The following NCSTN variants were observed in gnomAD, a reference collection of about 807,000 sequenced individuals.
NCSTN encodes the protein nicastrin.
Under a neutral mutation model 87.0 loss-of-function variants are expected in NCSTN, and 22 were observed. That is an observed-to-expected ratio of 0.25 (90% CI 0.18 to 0.36). The LOEUF (loss-of-function observed/expected upper bound fraction) is 0.36, where lower values mean the gene tolerates loss of function less well. Ranked by LOEUF, NCSTN falls within the 10% of genes least tolerant of loss-of-function variation. NCSTN has a pLI of 1.00. For missense variants in NCSTN, 693 were observed against 883.3 expected (o/e 0.78, Z 2.73); for synonymous variants, 306 against 327.1 (o/e 0.94, Z 0.69).
chr1:160,349,248 G>C, intron 3 of NCSTN, 126 bp downstream of exon 3: 4 of 1,316,268 alleles, frequency 3.0e-6, no homozygotes, highest in Non-Finnish European at 3.2e-6. Flanking sequence ...GGGCAGGGTG[G>C]TCCTCAGAAG....
intron 1 of NCSTN, chr1:160,343,791 C>T (rs1296508419): frequency 4.8e-6 from 3 of 624,008 alleles, no homozygotes; most frequent in East Asian, 7.1e-5. Flanking sequence ...ACCCCACAGT[C>T]GAAAGGAACA....
At chr1:160,349,784 A>G in intron 4 of NCSTN, 114 bp downstream of exon 4, 1 of 1,424,304 alleles carries the variant, frequency 7.0e-7, no homozygotes, top group Non-Finnish European at 9.8e-7. Context: ...TAGTGTCAGT[A>G]ACTGACTCCC....
Position 160,358,242 on chromosome 1 carries a change from C to G in NCSTN, c.2101C>G (p.Pro701Ala), listed in dbSNP as rs756588000. The change falls in exon 17 of 17, where the codon CCC becomes GCC. Residue 701 changes from proline (P) to alanine (A), a missense_variant. By Grantham distance (27) the Pro-to-Ala change is conservative (BLOSUM62 -1). This residue lies in a region of NCSTN where 216 missense variants were observed against 311.7 expected (regional missense o/e 0.69). Transcript: ENST00000294785. The part of the protein sequence containing the change: ...NAKADVLFIA[P>A]REPGAVSY ...CAAAGCTGATGTCCTTTTCATTGCT[C>G]CCCGGGAGCCAGGAGCTGTGTCATA... is the stretch of plus-strand genomic sequence containing the variant. 1.2e-5 allele frequency: 20 copies of G among 1,614,002 alleles called. No homozygotes were observed. The highest frequency in any genetic ancestry group is 1.5e-5 in the Non-Finnish European group (18 of 1,180,042).
Position 160,351,691 on chromosome 1 carries a change from C to T in NCSTN, c.734-5C>T, listed in dbSNP as rs150605943. The stretch of plus-strand genomic sequence containing the variant: ...TTGATCTCTCATTGTTTGTGTCCTG[C>T]TTAGAAATCGTCTGTGACCCCCTGT... On this transcript the variant is annotated splice_polypyrimidine_tract_variant and splice_region_variant and intron_variant, in intron 6 of 16. Coordinates refer to ENST00000294785, the MANE Select transcript of NCSTN (RefSeq NM_015331.3). 180 of 1,584,482 alleles carry T rather than the reference C, an allele frequency of 1.1e-4. No homozygotes were observed. In the African/African-American group the frequency reaches 2.1e-3, roughly 18 times the overall value.
chr1:160,354,861 T>C (rs1335622497), intron 11 of NCSTN, among the ~76,000 whole-genome samples: 1 of 152,144 alleles, frequency 6.6e-6, no homozygotes, highest in African/African-American at 2.4e-5. Context: ...ACAGGGGACT[T>C]CTTACTCAGG....
intron 14 of NCSTN, 116 bp downstream of exon 14, chr1:160,356,463 G>GA (rs954416085): frequency 2.1e-6 from 3 of 1,436,120 alleles, no homozygotes; most frequent in Non-Finnish European, 2.9e-6. Flanking sequence ...CTTACCCCCT[G>GA]TTTTCCTTTC....
rs760907346 is a variant in NCSTN at position 160,344,713 on chromosome 1, T to A, written c.86-9T>A. The A allele has an allele frequency of 1.9e-6, 3 of 1,613,148 alleles. No individual in the cohort carries two copies. In the South Asian group the frequency reaches 3.3e-5, roughly 18 times the overall value. On this transcript the variant is annotated splice_polypyrimidine_tract_variant and intron_variant, in intron 1 of 16. Coordinates refer to ENST00000294785, the MANE Select transcript of NCSTN (RefSeq NM_015331.3). ...CAAATTTTTCTAACACTTTTTATCTTCCGATCAGGTTTGTGCAGGGGAAAC... is the reference window on the plus strand; with the variant it reads ...CAAATTTTTCTAACACTTTTTATCTACCGATCAGGTTTGTGCAGGGGAAAC...
chr1:160,347,540 G>A (rs1648566270), intron 2 of NCSTN, among the ~76,000 whole-genome samples: 1 of 152,152 alleles, frequency 6.6e-6, no homozygotes, highest in Non-Finnish European at 1.5e-5. Context: ...TTGGAACCCA[G>A]ATTAGAATCC....
intron 5 of NCSTN, among the ~76,000 whole-genome samples, chr1:160,350,894 T>C (rs1279554294): frequency 6.6e-6 from 1 of 152,220 alleles, no homozygotes; most frequent in Non-Finnish European, 1.5e-5. Flanking sequence ...TCTGATTTCC[T>C]ATCTCTAGTT....
chr1:160,344,895 C>T, intron 2 of NCSTN, 69 bp downstream of exon 2: 4 of 1,306,496 alleles, frequency 3.1e-6, no homozygotes, highest in Non-Finnish European at 4.4e-6. Flanking sequence ...AAGTAACATC[C>T]ATGTCCTGCT....
chr1:160,349,286 C>G (rs993323668), intron 3 of NCSTN, among the ~76,000 whole-genome samples, 164 bp downstream of exon 3: 1 of 152,128 alleles, frequency 6.6e-6, no homozygotes, highest in Non-Finnish European at 1.5e-5. Context: ...AAGAAATGAT[C>G]TTGAGCTTAG....
chr1:160,356,011 T>C, intron 13 of NCSTN, 53 bp downstream of exon 13: 2 of 1,491,824 alleles, frequency 1.3e-6, no homozygotes, highest in Non-Finnish European at 1.9e-6. Context: ...AAGCTGTCCC[T>C]ATCCTCCCTT....
At chr1:160,356,122 T>A (rs1429372194) in intron 13 of NCSTN, 138 bp from the exon 14 acceptor site, 1 of 1,014,512 alleles carries the variant, frequency 9.9e-7, no homozygotes, top group African/African-American at 1.6e-5. Context: ...CTGCATCTTA[T>A]GAGCCAGCTA....
At position 160,356,242 on chromosome 1, in the gene NCSTN, T is replaced by C; in HGVS notation, c.1552-18T>C. ...CTTCAAGTCACAGGGTTTTCTCTCTTTACTGTTCCAATCCTAGGTTACCCG... is the reference window on the plus strand; with the variant it reads ...CTTCAAGTCACAGGGTTTTCTCTCTCTACTGTTCCAATCCTAGGTTACCCG... On this transcript the variant is annotated intron_variant, in intron 13 of 16. Transcript: ENST00000294785. 6.3e-7 allele frequency: 1 copy of C among 1,583,976 alleles called. No individual in the cohort carries two copies. Among genetic ancestry groups the C allele is most frequent in the Non-Finnish European group, 8.7e-7 (1 of 1,152,542 alleles).
In NCSTN at chr1:160,356,733, AG is replaced by A. The variant is rs1216544505; in HGVS notation, c.1774del (p.Val592SerfsTer36). 1 of 1,614,134 alleles carries A rather than the reference AG, an allele frequency of 6.2e-7. No individual in the cohort carries two copies. Among genetic ancestry groups the A allele is most frequent in the East Asian group, 2.2e-5 (1 of 44,896 alleles). On this transcript the variant is annotated frameshift_variant, in exon 15 of 17. Coordinates refer to ENST00000294785, the MANE Select transcript of NCSTN (RefSeq NM_015331.3). LOFTEE classifies it high-confidence loss of function. The stretch of plus-strand genomic sequence containing the variant: ...GAGAGCAGTGCCAGGATCCAAGTAA[AG>A]TCCCAAGTGAAAACAAGGATGTGAG... The part of the protein sequence containing the change: ...TREQCQDPSK[V>X]PSENKDLYEY...
chr1:160,344,871 G>A, intron 2 of NCSTN, 45 bp downstream of exon 2: 1 of 1,498,700 alleles, frequency 6.7e-7, no homozygotes. Flanking sequence ...ATATTTGTCT[G>A]TGCCCTAGAT....
At chr1:160,351,561 G>C in intron 6 of NCSTN, 135 bp from the exon 7 acceptor site, 1 of 1,240,384 alleles carries the variant, frequency 8.1e-7, no homozygotes, top group Non-Finnish European at 1.2e-6. Flanking sequence ...TGGCAGAGAA[G>C]CCAACCTCGG....
At position 160,358,698 on chromosome 1, in the gene NCSTN, A is replaced by C. The variant is rs1571213771; in HGVS notation, c.*427A>C. The stretch of plus-strand genomic sequence containing the variant: ...CATAAAAGGTTTAATGTCAGGGTCA[A>C]ACTACATTGAGCCCCTGAGGACAGG... On this transcript the variant is annotated 3_prime_UTR_variant, in exon 17 of 17. Transcript: ENST00000294785. 3 of 293,970 alleles carry C rather than the reference A, an allele frequency of 1.0e-5. No individual in the cohort carries two copies. The highest frequency in any genetic ancestry group is 2.0e-5 in the Non-Finnish European group (3 of 150,548). The allele number at this position is 293,970 out of a possible 1,614,324, so 18.2% of individuals were successfully genotyped here.
intron 16 of NCSTN, among the ~76,000 whole-genome samples, 200 bp downstream of exon 16, chr1:160,357,453 G>A (rs1212717307): frequency 6.6e-6 from 1 of 152,190 alleles, no homozygotes; most frequent in Non-Finnish European, 1.5e-5. Context: ...TGCTCAAGCT[G>A]GAGTGCAATG....
Sources: allele counts gnomAD v4.1 joint callset (sites outside exome capture counted in the v4.1 genomes callset), GRCh38; gene constraint gnomAD v4.1.1; regional missense constraint gnomAD v4.1.1; transcripts MANE v1.5; gene names NCBI Gene and HGNC (gene_info 2026-07-23, HGNC 2026-07-21).